The following AMPH variants were observed in gnomAD, a reference collection of about 807,000 sequenced individuals.
The protein encoded by AMPH is amphiphysin (Stiff-Mann syndrome with breast cancer 128kD autoantigen).
A neutral mutation model predicts 99.1 loss-of-function variants in AMPH; 49 were observed. That is an observed-to-expected ratio of 0.49 (90% CI 0.39 to 0.63). The LOEUF is 0.63. Ranked by LOEUF, AMPH falls within the 20% of genes least tolerant of loss-of-function variation. The probability of loss-of-function intolerance (pLI) is 0.00; values close to 1 mark genes in which losing one functional copy is unlikely to be tolerated. For missense variants in AMPH, 759 were observed against 863.4 expected (o/e 0.88, Z 1.52); for synonymous variants, 314 against 317.3 (o/e 0.99, Z 0.11).
intron 2 of AMPH, among the ~76,000 whole-genome samples, chr7:38,526,433 CT>C (rs33974810): frequency 4.1e-5 from 3 of 72,578 alleles, no homozygotes; most frequent in Non-Finnish European, 6.9e-5. Flanking sequence ...CCATGCCCGG[CT>C]TTTTTTTTTT....
chr7:38,408,340 T>A (rs1785111311), intron 17 of AMPH, among the ~76,000 whole-genome samples: 1 of 152,178 alleles, frequency 6.6e-6, no homozygotes, highest in African/African-American at 2.4e-5. Flanking sequence ...AGATTATAAT[T>A]TTTTTTCTTT....
chr7:38,403,627 G>A (rs1376646806), intron 17 of AMPH, among the ~76,000 whole-genome samples: 1 of 152,242 alleles, frequency 6.6e-6, no homozygotes, highest in Non-Finnish European at 1.5e-5. Flanking sequence ...GGAAGCTCTG[G>A]GTACTCCAGA....
chr7:38,436,232 T>C (rs7811443), intron 12 of AMPH, 40 bp downstream of exon 12: 53,176 of 1,454,760 alleles, frequency 0.037, 1,353 homozygotes, highest in African/African-American at 0.11. Flanking sequence ...CTTACTGAGG[T>C]TTATGAAATA....
At chr7:38,404,454 C>A (rs903750286) in intron 17 of AMPH, among the ~76,000 whole-genome samples, 4 of 152,174 alleles carry the variant, frequency 2.6e-5, no homozygotes, top group Non-Finnish European at 5.9e-5. Context: ...TGTATCAGTT[C>A]ATACACCCAA....
At chr7:38,598,284 T>G (rs1235038513) in intron 1 of AMPH, among the ~76,000 whole-genome samples, 1 of 151,822 alleles carries the variant, frequency 6.6e-6, no homozygotes, top group Non-Finnish European at 1.5e-5. Context: ...GTTGTTGTTG[T>G]TGTTGTTGTT....
chr7:38,511,784 A>G (rs1446732439), intron 2 of AMPH, among the ~76,000 whole-genome samples: 3 of 152,224 alleles, frequency 2.0e-5, no homozygotes, highest in Non-Finnish European at 4.4e-5. Context: ...AGCCAGTCAA[A>G]TAAGGCTTGG....
intron 5 of AMPH, among the ~76,000 whole-genome samples, chr7:38,477,689 T>TAACAAC (rs367715923): frequency 1.3e-5 from 2 of 151,774 alleles, no homozygotes; most frequent in African/African-American, 2.4e-5. Flanking sequence ...CATTTCCTCT[T>TAACAAC]AACAACAACA....
chr7:38,445,010 T>TATATATATACACACAC (rs1458295332), intron 11 of AMPH, among the ~76,000 whole-genome samples: 1 of 125,984 alleles, frequency 7.9e-6, no homozygotes, highest in East Asian at 2.8e-4. Flanking sequence ...TATATATATA[T>TATATATATACACACAC]ACACACACAC....
At chr7:38,429,741 T>C in intron 14 of AMPH, 101 bp downstream of exon 14, 1 of 1,397,196 alleles carries the variant, frequency 7.2e-7, no homozygotes, top group Non-Finnish European at 9.9e-7. Context: ...AATCTATGAC[T>C]AGCAATGCCA....
intron 12 of AMPH, among the ~76,000 whole-genome samples, chr7:38,434,506 G>A (rs141607634): frequency 0.013 from 1,907 of 152,250 alleles, 46 homozygotes; most frequent in Admixed American, 0.04. Flanking sequence ...TTGGGAGGCC[G>A]AGGTGGGCAG....
chr7:38,407,021 C>CTCT (rs1785032263), intron 17 of AMPH, among the ~76,000 whole-genome samples: 5 of 3,712 alleles, frequency 1.3e-3, no homozygotes, highest in African/African-American at 4.1e-3. Context: ...CTAATAGACT[C>CTCT]CTCTCTCTCT....
chr7:38,473,946 T>A (rs952811266), intron 7 of AMPH, among the ~76,000 whole-genome samples: 2 of 151,914 alleles, frequency 1.3e-5, no homozygotes, highest in Non-Finnish European at 1.5e-5. Context: ...AGAGAAGAGG[T>A]CTTCTTTAGG....
chr7:38,496,096 A>T (rs1178186133), intron 3 of AMPH, among the ~76,000 whole-genome samples: 1 of 152,176 alleles, frequency 6.6e-6, no homozygotes, highest in Non-Finnish European at 1.5e-5. Flanking sequence ...CAGGGAGAGG[A>T]GAGGAAAATC....
intron 5 of AMPH, among the ~76,000 whole-genome samples, chr7:38,483,884 T>C (rs910385316): frequency 1.3e-5 from 2 of 151,988 alleles, no homozygotes; most frequent in African/African-American, 4.8e-5. Flanking sequence ...ATCAGGAAAA[T>C]AATGTATCCG....
intron 17 of AMPH, among the ~76,000 whole-genome samples, chr7:38,407,076 A>ATATATATATGTG (rs1478238678): frequency 5.1e-5 from 1 of 19,730 alleles, no homozygotes; most frequent in African/African-American, 1.9e-4. Flanking sequence ...ATATATATAT[A>ATATATATATGTG]TGTGTGTGTG....
intron 1 of AMPH, among the ~76,000 whole-genome samples, chr7:38,573,670 A>T (rs1372574845): frequency 6.6e-6 from 1 of 152,208 alleles, no homozygotes; most frequent in Non-Finnish European, 1.5e-5. Context: ...CACTGATTGC[A>T]TGCTTAGGGA....
chr7:38,524,915 A>C lies in AMPH; in HGVS notation c.150+10016T>G, dbSNP rs552859195. On this transcript the variant is annotated intron_variant, in intron 2 of 20. Transcript: ENST00000356264. Reference sequence around the variant, plus strand: ...CCTATAATTCAGCACAGTCCTCACCACTCCTTACTGTTTTATACCTTGCCT... The same window carrying C: ...CCTATAATTCAGCACAGTCCTCACCCCTCCTTACTGTTTTATACCTTGCCT... Among the ~76,000 whole-genome samples, 3 of 151,092 alleles carry C rather than the reference A, an allele frequency of 2.0e-5. No individual in the cohort carries two copies. The East Asian group carries it at 5.9e-4, about 30-fold the overall frequency.
chr7:38,535,554 G>C (rs1056875666), intron 1 of AMPH, among the ~76,000 whole-genome samples: 1 of 152,110 alleles, frequency 6.6e-6, no homozygotes, highest in African/African-American at 2.4e-5. Context: ...TACATTTATT[G>C]TGCACTTTAT....
chr7:38,571,656 G>A (rs1160253283), intron 1 of AMPH, among the ~76,000 whole-genome samples: 2 of 145,894 alleles, frequency 1.4e-5, no homozygotes, highest in Non-Finnish European at 3.0e-5. Context: ...TTTGTTTGGA[G>A]CTGTTATTAC....
Sources: allele counts gnomAD v4.1 joint callset (sites outside exome capture counted in the v4.1 genomes callset), GRCh38; gene constraint gnomAD v4.1.1; transcripts MANE v1.5; gene names NCBI Gene and HGNC (gene_info 2026-07-23, HGNC 2026-07-21).